The following GPC6 variants were observed in gnomAD, a reference collection of about 807,000 sequenced individuals.
GPC6 encodes the protein glypican 6.
A neutral mutation model predicts 55.2 loss-of-function variants in GPC6; 14 were observed. The observed-to-expected ratio is 0.25, with a 90% CI of 0.17 to 0.40. The LOEUF is 0.40. Among genes scored for constraint, GPC6 ranks in the 10% least tolerant of loss-of-function variants. The probability of loss-of-function intolerance (pLI) is 1.00; values close to 1 mark genes in which losing one functional copy is unlikely to be tolerated. For missense variants in GPC6, 641 were observed against 708.5 expected, an observed-to-expected ratio of 0.90 and a Z score of 1.08; for synonymous variants, 278 against 259.6, an observed-to-expected ratio of 1.07 and a Z score of -0.68.
At chr13:93,441,316 G>A (rs1877789810) in intron 1 of GPC6, among the ~76,000 whole-genome samples, 1 of 152,140 alleles carries the variant, frequency 6.6e-6, no homozygotes, top group Non-Finnish European at 1.5e-5. Flanking sequence ...CACCAACAGT[G>A]TAGAAGTGTT....
intron 4 of GPC6, among the ~76,000 whole-genome samples, chr13:94,279,378 A>G (rs200177101): frequency 0.075 from 2,278 of 30,564 alleles, 31 homozygotes; most frequent in East Asian, 0.23. Flanking sequence ...ATCTTTTTCA[A>G]AAAAAAAAAA....
At chr13:93,860,690 A>C (rs1888781444) in intron 3 of GPC6, among the ~76,000 whole-genome samples, 1 of 151,660 alleles carries the variant, frequency 6.6e-6, no homozygotes, top group African/African-American at 2.4e-5. Flanking sequence ...GAAGTGGGAT[A>C]GGCATTCCAC....
chr13:94,369,943 A>T (rs1455753488), intron 6 of GPC6, among the ~76,000 whole-genome samples: 1 of 152,218 alleles, frequency 6.6e-6, no homozygotes, highest in East Asian at 1.9e-4. Context: ...GATCATCAGC[A>T]ATGCTGTTCG....
intron 2 of GPC6, among the ~76,000 whole-genome samples, chr13:93,785,416 A>G (rs530241433): frequency 7.9e-4 from 121 of 152,310 alleles, no homozygotes; most frequent in African/African-American, 2.6e-3. Context: ...GAAAAGACCT[A>G]TAGCCATGGT....
At chr13:94,062,169 C>T (rs1042380550) in intron 4 of GPC6, among the ~76,000 whole-genome samples, 5 of 152,130 alleles carry the variant, frequency 3.3e-5, no homozygotes, top group Non-Finnish European at 5.9e-5. Context: ...AGGAAACTTA[C>T]AGTAGCAAAA....
intron 4 of GPC6, among the ~76,000 whole-genome samples, chr13:94,260,309 T>C (rs1321388356): frequency 6.6e-6 from 1 of 152,164 alleles, no homozygotes; most frequent in East Asian, 1.9e-4. Flanking sequence ...TTAAGAGTAG[T>C]ATGTATATCA....
At chr13:93,920,784 G>T (rs1432813291) in intron 3 of GPC6, among the ~76,000 whole-genome samples, 1 of 152,104 alleles carries the variant, frequency 6.6e-6, no homozygotes, top group African/African-American at 2.4e-5. Context: ...ATTCTGTCCA[G>T]GGCTACCTAT....
intron 2 of GPC6, among the ~76,000 whole-genome samples, chr13:93,689,041 A>G (rs1383238251): frequency 2.0e-5 from 3 of 151,984 alleles, no homozygotes; most frequent in Non-Finnish European, 2.9e-5. Flanking sequence ...TATTTCTACT[A>G]TACTATAAGC....
chr13:93,910,635 G>C (rs1308003198), intron 3 of GPC6, among the ~76,000 whole-genome samples: 2 of 152,006 alleles, frequency 1.3e-5, no homozygotes, highest in Non-Finnish European at 2.9e-5. Flanking sequence ...TCAGTGTGGT[G>C]TTCCAAAACA....
At chr13:94,031,841 T>G (rs1405599110) in intron 4 of GPC6, among the ~76,000 whole-genome samples, 1 of 152,180 alleles carries the variant, frequency 6.6e-6, no homozygotes, top group Non-Finnish European at 1.5e-5. Flanking sequence ...ATGTTGCAGA[T>G]TACAACTAGC....
intron 2 of GPC6, among the ~76,000 whole-genome samples, chr13:93,746,526 C>G (rs1401917499): frequency 6.6e-6 from 1 of 152,168 alleles, no homozygotes; most frequent in Non-Finnish European, 1.5e-5. Context: ...CAAGCATACA[C>G]TTCCAATTTA....
intron 1 of GPC6, among the ~76,000 whole-genome samples, chr13:93,433,413 ATT>A (rs2139277614): frequency 6.6e-6 from 1 of 152,300 alleles, no homozygotes; most frequent in African/African-American, 2.4e-5. Flanking sequence ...AATAGTTTAA[ATT>A]ACATGTAAAT....
chr13:94,175,548 G>C (rs1348894903), intron 4 of GPC6, among the ~76,000 whole-genome samples: 3 of 151,986 alleles, frequency 2.0e-5, no homozygotes, highest in Non-Finnish European at 4.4e-5. Flanking sequence ...TCATGGAATT[G>C]GTATTCTGAT....
chr13:93,372,506 A>G (rs1029549277), intron 1 of GPC6, among the ~76,000 whole-genome samples: 1 of 152,138 alleles, frequency 6.6e-6, no homozygotes, highest in Non-Finnish European at 1.5e-5. Flanking sequence ...ACCTCTTTGT[A>G]CCTCACTTAG....
chr13:93,577,335 T>A (rs950803748), intron 2 of GPC6, among the ~76,000 whole-genome samples: 6 of 152,140 alleles, frequency 3.9e-5, no homozygotes, highest in African/African-American at 1.4e-4. Flanking sequence ...TAACTGCAGA[T>A]AAATTATCTC....
intron 3 of GPC6, among the ~76,000 whole-genome samples, chr13:94,004,179 G>A (rs1326722547): frequency 2.0e-5 from 3 of 152,012 alleles, no homozygotes; most frequent in Non-Finnish European, 2.9e-5. Context: ...ATGCTGCTTT[G>A]GAGAGGAAAT....
intron 1 of GPC6, among the ~76,000 whole-genome samples, chr13:93,327,669 G>A (rs979559461): frequency 6.6e-6 from 1 of 151,974 alleles, no homozygotes; most frequent in African/African-American, 2.4e-5. Context: ...CAGGCAAAAT[G>A]CATTTATGAT....
At chr13:93,906,136 C>A (rs1876652893) in intron 3 of GPC6, among the ~76,000 whole-genome samples, 1 of 152,076 alleles carries the variant, frequency 6.6e-6, no homozygotes, top group Non-Finnish European at 1.5e-5. Flanking sequence ...CTCCTGGACC[C>A]ACAAAAAGTT....
chr13:93,800,461 A>G (rs1469468731), intron 2 of GPC6, among the ~76,000 whole-genome samples: 1 of 152,146 alleles, frequency 6.6e-6, no homozygotes, highest in Non-Finnish European at 1.5e-5. Context: ...AATTACTCAG[A>G]CTTCACTATG....
Sources: allele counts gnomAD v4.1 joint callset (sites outside exome capture counted in the v4.1 genomes callset), GRCh38; gene constraint gnomAD v4.1.1; transcripts MANE v1.5; gene names NCBI Gene and HGNC (gene_info 2026-07-23, HGNC 2026-07-21).